The following ABLIM2 variants were observed in gnomAD, a reference collection of about 807,000 sequenced individuals.
ABLIM2 encodes actin-binding LIM protein 2.
A neutral mutation model predicts 97.7 loss-of-function variants in ABLIM2; 53 were observed. The ratio of observed to expected loss-of-function variants is 0.54; its 90% CI spans 0.44 to 0.68. The LOEUF (loss-of-function observed/expected upper bound fraction) is 0.68, where lower values mean the gene tolerates loss of function less well. ABLIM2 is among the 30% of genes least tolerant of loss of function. ABLIM2 has a pLI of 0.00. For synonymous variants in ABLIM2, 361 were observed against 345.8 expected (o/e 1.04, Z -0.49); for missense variants, 835 against 867.2 (o/e 0.96, Z 0.47).
intron 1 of ABLIM2, among the ~76,000 whole-genome samples, chr4:8,107,025 C>G (rs547695897): frequency 4.6e-5 from 7 of 152,360 alleles, no homozygotes; most frequent in Admixed American, 3.9e-4. Context: ...CCTCAGGGGT[C>G]TCAGGGACAA....
At chr4:7,987,716 G>A (rs79304119) in intron 17 of ABLIM2, among the ~76,000 whole-genome samples, 4 of 152,176 alleles carry the variant, frequency 2.6e-5, no homozygotes, top group Non-Finnish European at 5.9e-5. Context: ...GGAGACTCTA[G>A]GACGGAGATG....
Position 8,148,778 on chromosome 4 carries a change from A to G in ABLIM2, c.10+9902T>C, listed in dbSNP as rs1711546820. On this transcript the variant is annotated intron_variant, in intron 1 of 20. Transcript: ENST00000447017. This position sits in a 1 kb window ranked among gnomAD's most constrained non-coding sequence, Gnocchi z 6.7. The stretch of plus-strand genomic sequence containing the variant: ...GACAAGCCCAACCCCAACAGAGATG[A>G]GGAGGCCAAGGCTCAGGGGGTACAT... Among the ~76,000 whole-genome samples, 1 of 152,216 alleles carries G rather than the reference A, an allele frequency of 6.6e-6. No individual in the cohort carries two copies. Among genetic ancestry groups the G allele is most frequent in the Non-Finnish European group, 1.5e-5 (1 of 68,024 alleles).
intron 1 of ABLIM2, among the ~76,000 whole-genome samples, chr4:8,110,743 G>A (rs937538023): frequency 2.0e-5 from 3 of 152,180 alleles, no homozygotes; most frequent in East Asian, 1.9e-4. Flanking sequence ...TGCTGGGGCC[G>A]CCTCCGAGGC....
rs1009431260 is a variant in ABLIM2, at chr4:8,122,616, G to A, written c.11-15979C>T. ...CCCCAAGGCCCCTCCTCCAAATAGC[G>A]TCACCCTGGGGGTTTGGGCTTCCAA... On this transcript the variant is annotated intron_variant, in intron 1 of 20. Coordinates refer to ENST00000447017, the MANE Select transcript of ABLIM2 (RefSeq NM_001130083.2). The surrounding 1 kb of genome is among the most constrained non-coding windows in gnomAD (Gnocchi z 4.1). Among the ~76,000 whole-genome samples, 6 of 152,112 alleles carry A rather than the reference G, an allele frequency of 3.9e-5. No individual in the cohort carries two copies. The highest frequency in any genetic ancestry group is 7.2e-5 in the African/African-American group (3 of 41,420).
intron 5 of ABLIM2, among the ~76,000 whole-genome samples, chr4:8,079,077 C>T (rs191839314): frequency 1.6e-4 from 25 of 152,354 alleles, no homozygotes; most frequent in African/African-American, 4.8e-4. Flanking sequence ...TCATGAGCCC[C>T]GGGCCTGGGT....
chr4:8,088,073 C>G, intron 4 of ABLIM2, 96 bp downstream of exon 4: 1 of 547,280 alleles, frequency 1.8e-6, no homozygotes, highest in South Asian at 5.1e-5. Flanking sequence ...CTCAGTACGC[C>G]CCACTCAGCG....
intron 9 of ABLIM2, among the ~76,000 whole-genome samples, chr4:8,037,032 C>T (rs1057179775): frequency 1.4e-4 from 21 of 152,168 alleles, no homozygotes; most frequent in African/African-American, 4.6e-4. Context: ...AAAACCATCT[C>T]TTGGTGATTT....
intron 4 of ABLIM2, among the ~76,000 whole-genome samples, chr4:8,086,981 G>A (rs1824109983): frequency 6.6e-6 from 1 of 152,122 alleles, no homozygotes; most frequent in South Asian, 2.1e-4. Flanking sequence ...GGCTCACAGA[G>A]TCAAATTATA....
intron 6 of ABLIM2, among the ~76,000 whole-genome samples, chr4:8,066,354 G>GAGGT (rs1807438670): frequency 4.9e-5 from 4 of 80,934 alleles, no homozygotes; most frequent in African/African-American, 1.8e-4. Flanking sequence ...GAGAGGGAGG[G>GAGGT]AGGGAGGGAA....
At chr4:8,037,138 T>G (rs58168054) in intron 9 of ABLIM2, among the ~76,000 whole-genome samples, 5,417 of 152,286 alleles carry the variant, frequency 0.036, 328 homozygotes, top group African/African-American at 0.12. Context: ...TTATATTATT[T>G]TATTTGTATT....
rs1008087295 is a variant in ABLIM2 at position 8,123,001 on chromosome 4, C to T, written c.11-16364G>A. Among the ~76,000 whole-genome samples the T allele has an allele frequency of 1.3e-5, 2 of 152,186 alleles. No individual in the cohort carries two copies. Among genetic ancestry groups the T allele is most frequent in the Non-Finnish European group, 2.9e-5 (2 of 68,026 alleles). ...TTCCCGGAGGTCGTGCCTGCCTCCC[C>T]TGGCGTTCCCACTCTGCAAGCCTCC... On this transcript the variant is annotated intron_variant, in intron 1 of 20. Coordinates refer to ENST00000447017, the MANE Select transcript of ABLIM2 (RefSeq NM_001130083.2). This position sits in a 1 kb window ranked among gnomAD's most constrained non-coding sequence, Gnocchi z 6.2.
At chr4:8,131,521 G>A (rs375041648) in intron 1 of ABLIM2, among the ~76,000 whole-genome samples, 9 of 152,142 alleles carry the variant, frequency 5.9e-5, no homozygotes, top group Non-Finnish European at 1.3e-4. Context: ...TTCTGCATGC[G>A]GAGGGCAGAT....
At position 7,994,756 on chromosome 4, in the gene ABLIM2, ACCT is replaced by A. The variant is rs1751950184; in HGVS notation, c.1619-1832_1619-1830del. On this transcript the variant is annotated intron_variant, in intron 16 of 20. Transcript: ENST00000447017. ...CCTATTTCTCCGCATCCTCTCCAGC[ACCT>A]GTTGTTTCCTGACTTCATGTCCAAA... Among the ~76,000 whole-genome samples, 2 of 116,960 alleles carry A rather than the reference ACCT, an allele frequency of 1.7e-5. 1 individual carries two copies. The highest frequency in any genetic ancestry group is 4.1e-5 in the Non-Finnish European group (2 of 48,478). 76.7% of individuals were successfully genotyped at this position (116,960 alleles called of 152,430 possible).
In ABLIM2 at chr4:7,992,345, C is replaced by T. The variant is rs964707213; in HGVS notation, c.1680+521G>A. 1.3e-5 allele frequency among the ~76,000 whole-genome samples: 2 copies of T among 152,166 alleles called. No individual in the cohort carries two copies. The highest frequency in any genetic ancestry group is 2.9e-5 in the Non-Finnish European group (2 of 68,026). On this transcript the variant is annotated intron_variant, in intron 17 of 20. Coordinates refer to ENST00000447017, the MANE Select transcript of ABLIM2 (RefSeq NM_001130083.2). This position sits in a 1 kb window ranked among gnomAD's most constrained non-coding sequence, Gnocchi z 5.7. ...CTTCAGCTAGGGGCAGCCAAAGAGC[C>T]TGACTTCAAGTTAATCCAATCTCCG... is the stretch of plus-strand genomic sequence containing the variant.
rs1316840191 is a variant in ABLIM2 at position 7,992,634 on chromosome 4, C to T, written c.1680+232G>A. Among the ~76,000 whole-genome samples, 8 of 152,064 alleles carry T rather than the reference C, an allele frequency of 5.3e-5. No individual in the cohort carries two copies. The highest frequency in any genetic ancestry group is 1.9e-4 in the East Asian group (1 of 5,180). ...CCACACACTGAGCTCTCCCTGGGGTCGGGGGCAGGGAGGCAGAGTGGGGAG... is the reference window on the plus strand; with the variant it reads ...CCACACACTGAGCTCTCCCTGGGGTTGGGGGCAGGGAGGCAGAGTGGGGAG... On this transcript the variant is annotated intron_variant, in intron 17 of 20. Coordinates refer to ENST00000447017, the MANE Select transcript of ABLIM2 (RefSeq NM_001130083.2). This position sits in a 1 kb window ranked among gnomAD's most constrained non-coding sequence, Gnocchi z 5.7.
intron 4 of ABLIM2, 102 bp from the exon 5 acceptor site, chr4:8,080,904 G>A (rs1819408538): frequency 6.9e-7 from 1 of 1,444,440 alleles, no homozygotes; most frequent in Non-Finnish European, 9.3e-7. Flanking sequence ...GGGCAGCCGG[G>A]AGGGGCGGGA....
chr4:8,011,325 T>A (rs187249320), intron 14 of ABLIM2, among the ~76,000 whole-genome samples: 1 of 152,366 alleles, frequency 6.6e-6, no homozygotes, highest in Non-Finnish European at 1.5e-5. Flanking sequence ...GTGCACAGTT[T>A]AACCAGACTT....
chr4:8,003,692 A>G lies in ABLIM2; in HGVS notation c.1618+4367T>C, dbSNP rs1685688973. Among the ~76,000 whole-genome samples the G allele has an allele frequency of 6.6e-6, 1 of 151,648 alleles. No homozygotes were observed. The highest frequency in any genetic ancestry group is 1.5e-5 in the Non-Finnish European group (1 of 67,960). On this transcript the variant is annotated intron_variant, in intron 16 of 20. Transcript: ENST00000447017. The surrounding 1 kb of genome is among the most constrained non-coding windows in gnomAD (Gnocchi z 4.2). ...GTGATTCTCCTGCCTCAGCCTCCCAAGTAGCTGAGATTACAGGTATCCTCC... is the reference window on the plus strand; with the variant it reads ...GTGATTCTCCTGCCTCAGCCTCCCAGGTAGCTGAGATTACAGGTATCCTCC...
At chr4:8,134,054 C>T (rs370131556) in intron 1 of ABLIM2, among the ~76,000 whole-genome samples, 52 of 152,326 alleles carry the variant, frequency 3.4e-4, no homozygotes, top group Admixed American at 1.1e-3. Context: ...GCCATGGGCA[C>T]AGGCGGGCGG....
Sources: gnomAD v4.1 joint callset for allele counts (sites outside exome capture counted in the v4.1 genomes callset) on GRCh38, gnomAD v4.1.1 for gene constraint, Gnocchi (gnomAD v3.1) non-coding constraint, MANE v1.5 for transcripts, NCBI Gene and HGNC (gene_info 2026-07-23, HGNC 2026-07-21) for gene names.